Variants in GLIS3 observed in about 807,000 individuals in gnomAD.
GLIS3 encodes zinc finger protein GLIS3.
Under a neutral mutation model 78.6 loss-of-function variants are expected in GLIS3, and 53 were observed. The ratio of observed to expected loss-of-function variants is 0.67; its 90% CI spans 0.54 to 0.85. The LOEUF (loss-of-function observed/expected upper bound fraction) is 0.85, where lower values mean the gene tolerates loss of function less well. GLIS3 is among the 40% of genes least tolerant of loss of function. GLIS3 has a pLI of 0.00. For synonymous variants in GLIS3, 684 were observed against 509.9 expected, an observed-to-expected ratio of 1.34 and a Z score of -4.60; for missense variants, 1,703 against 1,231.1, an observed-to-expected ratio of 1.38 and a Z score of -5.74.
chr9:3,919,933 C>A (rs1824762581), intron 6 of GLIS3, among the ~76,000 whole-genome samples: 1 of 149,484 alleles, frequency 6.7e-6, no homozygotes, highest in Admixed American at 6.7e-5. Context: ...CCTCCCATTT[C>A]TTTTAAACTG....
chr9:4,331,952 G>A (rs1817692201), intron 2 of GLIS3, among the ~76,000 whole-genome samples: 1 of 152,216 alleles, frequency 6.6e-6, no homozygotes, highest in Non-Finnish European at 1.5e-5. Context: ...AAAGATACCA[G>A]GGAGACTAAA....
intron 4 of GLIS3, among the ~76,000 whole-genome samples, chr9:4,026,064 C>T (rs1424987837): frequency 2.6e-5 from 4 of 152,162 alleles, no homozygotes; most frequent in Non-Finnish European, 4.4e-5. Context: ...ATCCCTACAA[C>T]ATTAACATTA....
intron 4 of GLIS3, chr9:3,975,289 CA>C (rs771142274): frequency 2.6e-5 from 4 of 152,052 alleles, no homozygotes; most frequent in South Asian, 2.1e-4. Flanking sequence ...AGTACACTCC[CA>C]GGGGGGCACA....
intron 2 of GLIS3, among the ~76,000 whole-genome samples, chr9:4,275,366 G>A (rs1303897845): frequency 1.3e-5 from 2 of 152,172 alleles, no homozygotes; most frequent in Non-Finnish European, 2.9e-5. Flanking sequence ...GCAGCACCCT[G>A]TATTCAAATA....
intron 4 of GLIS3, among the ~76,000 whole-genome samples, chr9:4,081,862 A>C (rs769733712): frequency 6.6e-6 from 1 of 152,214 alleles, no homozygotes; most frequent in Non-Finnish European, 1.5e-5. Flanking sequence ...GACTAATGGT[A>C]AATTGTTCTC....
intron 9 of GLIS3, among the ~76,000 whole-genome samples, chr9:3,830,175 C>A (rs1391511471): frequency 1.3e-5 from 2 of 151,982 alleles, no homozygotes; most frequent in East Asian, 3.9e-4. Flanking sequence ...AATCATCAAC[C>A]TTTTGATAAT....
chr9:4,330,753 C>T (rs534261584), intron 2 of GLIS3, among the ~76,000 whole-genome samples: 12 of 152,002 alleles, frequency 7.9e-5, no homozygotes, highest in African/African-American at 2.2e-4. Flanking sequence ...GGAGTGGGAG[C>T]CCACTGAGAA....
intron 2 of GLIS3, among the ~76,000 whole-genome samples, chr9:4,126,903 T>C (rs570795085): frequency 6.6e-6 from 1 of 152,216 alleles, no homozygotes; most frequent in African/African-American, 2.4e-5. Flanking sequence ...AAATTTCCCA[T>C]CTTTTTCATT....
At chr9:4,253,137 C>G (rs752687150) in intron 2 of GLIS3, among the ~76,000 whole-genome samples, 1 of 152,228 alleles carries the variant, frequency 6.6e-6, no homozygotes, top group Non-Finnish European at 1.5e-5. Context: ...AGAGCTCAAG[C>G]GCTGTGCTGG....
chr9:4,179,708 G>T (rs568872637), intron 2 of GLIS3, among the ~76,000 whole-genome samples: 39 of 152,166 alleles, frequency 2.6e-4, no homozygotes, highest in Non-Finnish European at 4.1e-4. Context: ...TTAGGAGTTC[G>T]AGACCAGCCT....
At chr9:4,444,496 A>G in the GLIS3 span, among the ~76,000 whole-genome samples, 1 of 152,150 alleles carries the variant, frequency 6.6e-6, no homozygotes, top group African/African-American at 2.4e-5. Context: ...TATGCGAATC[A>G]TTAAGCCAGA....
At chr9:4,261,272 C>G (rs1002755279) in intron 2 of GLIS3, among the ~76,000 whole-genome samples, 2 of 152,162 alleles carry the variant, frequency 1.3e-5, no homozygotes, top group African/African-American at 4.8e-5. Context: ...TCAATGTGAG[C>G]AGCTCTTTCC....
intron 2 of GLIS3, among the ~76,000 whole-genome samples, chr9:4,267,510 A>T (rs1380349291): frequency 6.6e-6 from 1 of 152,194 alleles, no homozygotes; most frequent in African/African-American, 2.4e-5. Flanking sequence ...GTACCCAAAT[A>T]TCTGAATAAA....
rs76854585 is a variant in GLIS3 at position 3,862,763 on chromosome 9, C to G, written c.2298-6579G>C. On this transcript the variant is annotated intron_variant, in intron 8 of 10. Coordinates refer to ENST00000381971, the MANE Select transcript of GLIS3 (RefSeq NM_001042413.2). ...GATAGTTTTTCTTTCCCTCCGCCCC[C>G]CGTCTCTTCCACGGCGGCTACAGAC... Among the ~76,000 whole-genome samples the G allele has an allele frequency of 7.9e-5, 12 of 152,186 alleles. No homozygotes were observed. The East Asian group carries it at 2.1e-3, about 27-fold the overall frequency.
At chr9:4,073,408 T>C (rs566029125) in intron 4 of GLIS3, among the ~76,000 whole-genome samples, 1 of 152,198 alleles carries the variant, frequency 6.6e-6, no homozygotes, top group East Asian at 1.9e-4. Flanking sequence ...GAATTTTGAA[T>C]GAACACCCAG....
chr9:3,934,707 C>G (rs573550113), intron 5 of GLIS3, among the ~76,000 whole-genome samples: 5 of 152,278 alleles, frequency 3.3e-5, no homozygotes, highest in African/African-American at 1.2e-4. Context: ...CCGTGCCCAG[C>G]CTTCTGTTTG....
chr9:4,159,081 A>T (rs951966616), intron 2 of GLIS3, among the ~76,000 whole-genome samples: 1 of 150,010 alleles, frequency 6.7e-6, no homozygotes, highest in African/African-American at 2.5e-5. Flanking sequence ...TCGGCAAGGG[A>T]GAATGTGGTA....
At chr9:3,859,044 G>A (rs1388547533) in intron 8 of GLIS3, among the ~76,000 whole-genome samples, 1 of 152,176 alleles carries the variant, frequency 6.6e-6, no homozygotes, top group Non-Finnish European at 1.5e-5. Flanking sequence ...GAGAGGACAG[G>A]AGAGGCATGG....
At chr9:3,838,309 C>T (rs1042154492) in intron 9 of GLIS3, among the ~76,000 whole-genome samples, 1 of 150,690 alleles carries the variant, frequency 6.6e-6, no homozygotes, top group Admixed American at 6.6e-5. Flanking sequence ...GAGGTGATAT[C>T]TTTCTTATTT....
Sources: gnomAD v4.1 joint callset for allele counts (sites outside exome capture counted in the v4.1 genomes callset) on GRCh38, gnomAD v4.1.1 for gene constraint, MANE v1.5 for transcripts, NCBI Gene and HGNC (gene_info 2026-07-23, HGNC 2026-07-21) for gene names.